Variants in ARFGAP3 observed in about 807,000 individuals in gnomAD.
ARFGAP3 encodes the protein ADP-ribosylation factor GTPase-activating protein 3.
A neutral mutation model predicts 75.0 loss-of-function variants in ARFGAP3; 72 were observed. That is an observed-to-expected ratio of 0.96 (90% CI 0.79 to 1.17). ARFGAP3 has a LOEUF of 1.17. ARFGAP3 is among the 50% of genes most tolerant of loss of function. The pLI, the probability that ARFGAP3 is intolerant of heterozygous loss-of-function variation, is 0.00. For missense variants in ARFGAP3, 620 were observed against 626.6 expected (o/e 0.99, Z 0.11); for synonymous variants, 221 against 217.9 (o/e 1.01, Z -0.13).
At chr22:42,851,363 A>G (rs1017238262) in intron 1 of ARFGAP3, among the ~76,000 whole-genome samples, 1 of 152,218 alleles carries the variant, frequency 6.6e-6, no homozygotes, top group African/African-American at 2.4e-5. Context: ...TGGCTACAAG[A>G]AGAGAGCAGT....
At position 42,852,231 on chromosome 22, in the gene ARFGAP3, T is replaced by C. The variant is rs951662247; in HGVS notation, c.70-4599A>G. 5.3e-4 allele frequency among the ~76,000 whole-genome samples: 80 copies of C among 152,186 alleles called. 1 individual carries two copies. The highest frequency in any genetic ancestry group is 1.8e-3 in the African/African-American group (73 of 41,520). Reference sequence around the variant, plus strand: ...CACCATGCATGGCTAATTTTAATTTTTTTTTTTGGTAGAGATGAGGTTTCA... The same window carrying C: ...CACCATGCATGGCTAATTTTAATTTCTTTTTTTGGTAGAGATGAGGTTTCA... On this transcript the variant is annotated intron_variant, in intron 1 of 15. Transcript: ENST00000263245.
chr22:42,805,321 A>T lies in ARFGAP3; in HGVS notation c.1411+1752T>A, dbSNP rs558290208. 3.9e-5 allele frequency among the ~76,000 whole-genome samples: 6 copies of T among 152,282 alleles called. No homozygotes were observed. The South Asian group carries it at 1.2e-3, about 32-fold the overall frequency. Reference sequence around the variant, plus strand: ...TCATTTGATCTCCAAATATTTTTTTAAAAAAACAAACAGTGCTTCAGAGTA... The same window carrying T: ...TCATTTGATCTCCAAATATTTTTTTTAAAAAACAAACAGTGCTTCAGAGTA... On this transcript the variant is annotated intron_variant, in intron 14 of 15. Coordinates refer to ENST00000263245, the MANE Select transcript of ARFGAP3 (RefSeq NM_014570.5).
chr22:42,807,638 A>C (rs2146530833), intron 13 of ARFGAP3, among the ~76,000 whole-genome samples: 1 of 152,280 alleles, frequency 6.6e-6, no homozygotes, highest in African/African-American at 2.4e-5. Flanking sequence ...AGAAGTTTAA[A>C]TTTCTGCAAA....
chr22:42,829,318 C>T (rs889561240), intron 6 of ARFGAP3, among the ~76,000 whole-genome samples: 7 of 152,182 alleles, frequency 4.6e-5, no homozygotes, highest in African/African-American at 9.7e-5. Flanking sequence ...TGGGAGTGCT[C>T]GTTGGCTGGT....
chr22:42,825,264 A>G (rs1925986272), intron 7 of ARFGAP3, among the ~76,000 whole-genome samples: 1 of 152,248 alleles, frequency 6.6e-6, no homozygotes, highest in East Asian at 1.9e-4. Flanking sequence ...CAAAAAAGTA[A>G]TAACAATAAT....
intron 11 of ARFGAP3, 69 bp downstream of exon 11, chr22:42,817,073 A>T: frequency 9.1e-7 from 1 of 1,095,750 alleles, no homozygotes; most frequent in African/African-American, 1.6e-5. Context: ...TAATGCAAAT[A>T]AACTAATAAA....
At chr22:42,856,854 G>T (rs1389796165) in intron 1 of ARFGAP3, among the ~76,000 whole-genome samples, 2 of 149,176 alleles carry the variant, frequency 1.3e-5, no homozygotes, top group Admixed American at 6.7e-5. Context: ...AGAGCTCGCC[G>T]GGGGGTGTGC....
At chr22:42,846,038 CAAAAAAAAAAAA>C (rs60266541) in intron 2 of ARFGAP3, among the ~76,000 whole-genome samples, 1 of 88,094 alleles carries the variant, frequency 1.1e-5, no homozygotes, top group Admixed American at 1.3e-4. Flanking sequence ...AACTCCATCT[CAAAAAAAAAAAA>C]AAAAAAAAAA....
chr22:42,836,571 C>A (rs754651999), intron 3 of ARFGAP3, among the ~76,000 whole-genome samples: 1 of 152,078 alleles, frequency 6.6e-6, no homozygotes, highest in Admixed American at 6.6e-5. Context: ...GATGATAAAA[C>A]AAGTATTTAA....
intron 7 of ARFGAP3, among the ~76,000 whole-genome samples, chr22:42,824,082 C>T (rs1301754095): frequency 1.3e-5 from 2 of 148,880 alleles, no homozygotes; most frequent in Non-Finnish European, 3.0e-5. Flanking sequence ...TAGCTGAGTG[C>T]AGTGGCATTA....
At chr22:42,839,123 G>GA (rs59529328) in intron 3 of ARFGAP3, among the ~76,000 whole-genome samples, 396 of 128,730 alleles carry the variant, frequency 3.1e-3, no homozygotes, top group Middle Eastern at 4.1e-3. Flanking sequence ...AAAAAAAAAA[G>GA]AAAAAAAAAA....
intron 2 of ARFGAP3, among the ~76,000 whole-genome samples, chr22:42,845,690 C>G (rs1461637333): frequency 3.3e-5 from 5 of 151,938 alleles, no homozygotes. Flanking sequence ...AAAATTAATT[C>G]AAAATGAATC....
At chr22:42,801,121 G>A (rs1218835218) in intron 14 of ARFGAP3, among the ~76,000 whole-genome samples, 3 of 152,214 alleles carry the variant, frequency 2.0e-5, no homozygotes, top group East Asian at 3.8e-4. Context: ...GGTGCATGGG[G>A]CGGTGCCTGA....
chr22:42,814,110 T>C (rs1167955091), intron 11 of ARFGAP3, among the ~76,000 whole-genome samples: 1 of 152,182 alleles, frequency 6.6e-6, no homozygotes, highest in Non-Finnish European at 1.5e-5. Context: ...ACTCAATATA[T>C]AATTATACTG....
rs761582830 is a variant in ARFGAP3, at chr22:42,817,784, C to T, written c.886G>A (p.Gly296Ser). The change falls in exon 10 of 16, where the codon GGC becomes AGC. Residue 296 changes from glycine (G) to serine (S), a missense_variant. By Grantham distance (56) the Gly-to-Ser change is moderately conservative. Coordinates refer to ENST00000263245, the MANE Select transcript of ARFGAP3 (RefSeq NM_014570.5). ...MKKDEKMNISGKKNVDSDRLG... is the reference protein window; with the variant it reads ...MKKDEKMNISSKKNVDSDRLG... ...CTGTCTGAGTCAACATTTTTTTTGC[C>T]ACTAATGTTCATCTTTTCGTCTTTC... is the stretch of plus-strand genomic sequence containing the variant. 6.2e-7 allele frequency: 1 copy of T among 1,613,134 alleles called. No homozygotes were observed. Among genetic ancestry groups the T allele is most frequent in the Non-Finnish European group, 8.5e-7 (1 of 1,179,604 alleles).
chr22:42,852,108 T>TATATG (rs1230430195), intron 1 of ARFGAP3, among the ~76,000 whole-genome samples: 1 of 150,068 alleles, frequency 6.7e-6, no homozygotes, highest in East Asian at 2.0e-4. Context: ...CATGCTGGAG[T>TATATG]ATATGATATG....
chr22:42,835,980 CTTTTTTTTTTTT>C (rs545758118), intron 3 of ARFGAP3, among the ~76,000 whole-genome samples: 9 of 105,726 alleles, frequency 8.5e-5, no homozygotes, highest in African/African-American at 2.7e-4. Flanking sequence ...CCATTTCTTT[CTTTTTTTTTTTT>C]TTTTTTTTTT....
intron 6 of ARFGAP3, 62 bp downstream of exon 6, chr22:42,831,487 T>C: frequency 1.3e-6 from 2 of 1,534,874 alleles, no homozygotes; most frequent in Non-Finnish European, 1.8e-6. Context: ...TAATTTTTAA[T>C]AGTTTCATAG....
At chr22:42,843,040 A>G (rs1926854423) in intron 2 of ARFGAP3, among the ~76,000 whole-genome samples, 1 of 152,016 alleles carries the variant, frequency 6.6e-6, no homozygotes, top group Non-Finnish European at 1.5e-5. Context: ...GAGGTAAGGA[A>G]CACACCCAAG....
Sources: allele counts gnomAD v4.1 joint callset (sites outside exome capture counted in the v4.1 genomes callset), GRCh38; gene constraint gnomAD v4.1.1; transcripts MANE v1.5; gene names NCBI Gene and HGNC (gene_info 2026-07-23, HGNC 2026-07-21).